KCNH8: variants seen among roughly 807,000 people sequenced by gnomAD.
The protein encoded by KCNH8 is voltage-gated delayed rectifier potassium channel KCNH8.
A neutral mutation model predicts 103.6 loss-of-function variants in KCNH8; 70 were observed. The observed-to-expected ratio is 0.68, with a 90% CI of 0.56 to 0.82. The LOEUF (loss-of-function observed/expected upper bound fraction) is 0.82. Ranked by LOEUF, KCNH8 falls within the 40% of genes least tolerant of loss-of-function variation. The probability of loss-of-function intolerance (pLI) is 0.00; values close to 1 mark genes in which losing one functional copy is unlikely to be tolerated. For missense variants in KCNH8, 1,217 were observed against 1,329.9 expected, an observed-to-expected ratio of 0.92 and a Z score of 1.32; for synonymous variants, 498 against 489.4, an observed-to-expected ratio of 1.02 and a Z score of -0.23.
At chr3:19,501,582 T>A (rs1179806647) in intron 11 of KCNH8, among the ~76,000 whole-genome samples, 2 of 152,176 alleles carry the variant, frequency 1.3e-5, no homozygotes, top group Admixed American at 6.5e-5. Flanking sequence ...TCCACCATGA[T>A]CAAGTGGGCT....
chr3:19,456,133 T>C (rs1337228986), intron 10 of KCNH8, among the ~76,000 whole-genome samples: 1 of 152,120 alleles, frequency 6.6e-6, no homozygotes, highest in Non-Finnish European at 1.5e-5. Flanking sequence ...TCTATAAATA[T>C]AGATTTTAGT....
At position 19,450,142 on chromosome 3, in the gene KCNH8, C is replaced by T; in HGVS notation, c.1412C>T (p.Ala471Val). ...GCCTTGGTGTTTGGAAACGTGACAG[C>T]AATCATACAGAGGATGTACTCCAGA... Reference protein sequence around the residue: ...MHALVFGNVTAIIQRMYSRWS... With the variant: ...MHALVFGNVTVIIQRMYSRWS... Residue 471 changes from alanine to valine, a missense_variant, in exon 9 of 16, where the codon GCA becomes GTA. Coordinates refer to ENST00000328405, the MANE Select transcript of KCNH8 (RefSeq NM_144633.3). The T allele has an allele frequency of 1.2e-6, 2 of 1,613,608 alleles. No individual in the cohort carries two copies. The highest frequency in any genetic ancestry group is 1.7e-6 in the Non-Finnish European group (2 of 1,179,736).
intron 7 of KCNH8, among the ~76,000 whole-genome samples, chr3:19,423,629 T>C (rs2066983054): frequency 8.2e-6 from 1 of 122,474 alleles, no homozygotes; most frequent in African/African-American, 3.2e-5. Context: ...GGTTAAGTAA[T>C]ATTCCATTGT....
chr3:19,361,076 T>G (rs1009596664), intron 5 of KCNH8, among the ~76,000 whole-genome samples: 3 of 152,114 alleles, frequency 2.0e-5, no homozygotes, highest in African/African-American at 7.2e-5. Context: ...GGCAAATTTG[T>G]TGGCCCTTAT....
chr3:19,411,645 A>G (rs990502544), intron 7 of KCNH8, among the ~76,000 whole-genome samples: 3 of 152,022 alleles, frequency 2.0e-5, no homozygotes, highest in Non-Finnish European at 4.4e-5. Flanking sequence ...TGAAACTGAT[A>G]AACAACTTCA....
intron 11 of KCNH8, among the ~76,000 whole-genome samples, chr3:19,458,835 T>C (rs1437692658): frequency 6.6e-6 from 1 of 152,026 alleles, no homozygotes; most frequent in African/African-American, 2.4e-5. Context: ...AGTATATAAA[T>C]GAGATCATGT....
intron 11 of KCNH8, among the ~76,000 whole-genome samples, chr3:19,461,962 G>A (rs1312582714): frequency 1.3e-5 from 2 of 152,088 alleles, no homozygotes; most frequent in Non-Finnish European, 2.9e-5. Context: ...CCCTACAAAG[G>A]ACATTAACTC....
At chr3:19,426,139 C>G (rs1276829558) in intron 7 of KCNH8, among the ~76,000 whole-genome samples, 1 of 152,086 alleles carries the variant, frequency 6.6e-6, no homozygotes, top group African/African-American at 2.4e-5. Context: ...TAGCATCTCC[C>G]TGAGAATCCC....
chr3:19,284,704 T>C (rs753321046), intron 3 of KCNH8, among the ~76,000 whole-genome samples: 1 of 152,084 alleles, frequency 6.6e-6, no homozygotes, highest in Non-Finnish European at 1.5e-5. Context: ...ATGTCAAGTG[T>C]TACTTATGGA....
intron 15 of KCNH8, among the ~76,000 whole-genome samples, chr3:19,519,852 C>A (rs755225925): frequency 6.6e-6 from 1 of 151,730 alleles, no homozygotes; most frequent in Non-Finnish European, 1.5e-5. Context: ...AACTGACTGA[C>A]CTATATCTTA....
chr3:19,525,448 C>A (rs948381340), intron 15 of KCNH8, among the ~76,000 whole-genome samples: 5 of 151,856 alleles, frequency 3.3e-5, no homozygotes, highest in Admixed American at 3.3e-4. Flanking sequence ...AGCAGACAAA[C>A]TTTCATTTGA....
chr3:19,424,511 T>A (rs562289618), intron 7 of KCNH8, among the ~76,000 whole-genome samples: 1 of 152,064 alleles, frequency 6.6e-6, no homozygotes, highest in African/African-American at 2.4e-5. Context: ...AAAAATTCTA[T>A]AATATAACAT....
At position 19,226,500 on chromosome 3, in the gene KCNH8, G is replaced by C. The variant is rs894398065; in HGVS notation, c.77-27154G>C. Among the ~76,000 whole-genome samples, 7 of 152,180 alleles carry C rather than the reference G, an allele frequency of 4.6e-5. No individual in the cohort carries two copies. In the South Asian group the frequency reaches 1.5e-3, roughly 32 times the overall value. On this transcript the variant is annotated intron_variant, in intron 1 of 15. Coordinates refer to ENST00000328405, the MANE Select transcript of KCNH8 (RefSeq NM_144633.3). ...TAAGGTCTTGACAGTAAGAGACCGA[G>C]TTACATTTTGGAGGCATCATACTTC... is the stretch of plus-strand genomic sequence containing the variant.
In KCNH8 at chr3:19,378,854, A is replaced by C. The variant is rs1483433035; in HGVS notation, c.812-11627A>C. ...ATCAACGTAAAAAATTCTCCTTGCAAAACAAATAAATATATGCTATTTCTT... is the reference window on the plus strand; with the variant it reads ...ATCAACGTAAAAAATTCTCCTTGCACAACAAATAAATATATGCTATTTCTT... On this transcript the variant is annotated intron_variant, in intron 5 of 15. Coordinates refer to ENST00000328405, the MANE Select transcript of KCNH8 (RefSeq NM_144633.3). Among the ~76,000 whole-genome samples, 3 of 152,218 alleles carry C rather than the reference A, an allele frequency of 2.0e-5. No homozygotes were observed. In the East Asian group the frequency reaches 5.8e-4, roughly 29 times the overall value.
At chr3:19,221,783 A>G (rs974086757) in intron 1 of KCNH8, among the ~76,000 whole-genome samples, 1 of 152,060 alleles carries the variant, frequency 6.6e-6, no homozygotes, top group Non-Finnish European at 1.5e-5. Flanking sequence ...AAACATACAG[A>G]TATTAGATAA....
intron 5 of KCNH8, among the ~76,000 whole-genome samples, chr3:19,385,344 A>G (rs1204765160): frequency 6.6e-6 from 1 of 152,104 alleles, no homozygotes; most frequent in East Asian, 1.9e-4. Context: ...GAAAAAAGAA[A>G]ATTTTTCTAA....
chr3:19,184,682 T>C (rs1417478327), intron 1 of KCNH8, among the ~76,000 whole-genome samples: 2 of 151,890 alleles, frequency 1.3e-5, no homozygotes, highest in Non-Finnish European at 2.9e-5. Context: ...AAGGTAGTAT[T>C]TGGTATTTTT....
intron 11 of KCNH8, among the ~76,000 whole-genome samples, chr3:19,498,892 T>C (rs13070278): frequency 2.6e-5 from 4 of 152,028 alleles, no homozygotes; most frequent in Admixed American, 6.6e-5. Flanking sequence ...TTAGGCTGCT[T>C]GGGGGTCAGG....
intron 1 of KCNH8, among the ~76,000 whole-genome samples, chr3:19,203,714 G>T (rs1005435983): frequency 2.0e-5 from 3 of 151,842 alleles, no homozygotes; most frequent in African/African-American, 7.2e-5. Flanking sequence ...AGTACATAAA[G>T]GTGTGCAAAA....
Sources: gnomAD v4.1 joint callset for allele counts (sites outside exome capture counted in the v4.1 genomes callset) on GRCh38, gnomAD v4.1.1 for gene constraint, MANE v1.5 for transcripts, NCBI Gene and HGNC (gene_info 2026-07-23, HGNC 2026-07-21) for gene names.